The following RPRD1B variants were observed in gnomAD, a reference collection of about 807,000 sequenced individuals.
The protein encoded by RPRD1B is regulation of nuclear pre-mRNA domain-containing protein 1B.
RPRD1B carries 11 observed loss-of-function variants against 41.5 expected under a neutral mutation model. That is an observed-to-expected ratio of 0.27 (90% CI 0.17 to 0.44). The LOEUF (loss-of-function observed/expected upper bound fraction) is 0.44. RPRD1B is among the 20% of genes least tolerant of loss of function. The pLI is 1.00. For synonymous variants in RPRD1B, 158 were observed against 155.6 expected (o/e 1.02, Z -0.12); for missense variants, 248 against 389.9 (o/e 0.64, Z 3.06).
Position 38,090,654 on chromosome 20 carries a change from C to T in RPRD1B, c.*779C>T. On this transcript the variant is annotated 3_prime_UTR_variant, in exon 7 of 7. Coordinates refer to ENST00000373433, the MANE Select transcript of RPRD1B (RefSeq NM_021215.4). ...GGAGCACGTTCCGAAAAACAGAATG[C>T]CTTGATCCCTGGTGGGTGCGAAGGC... The T allele has an allele frequency of 1.0e-6, 1 of 985,488 alleles. No individual in the cohort carries two copies. The highest frequency in any genetic ancestry group is 1.2e-6 in the Non-Finnish European group (1 of 829,944). The allele number at this position is 985,488 out of a possible 1,614,324, so 61.0% of individuals were successfully genotyped here.
chr20:38,092,173 C>A lies in RPRD1B; in HGVS notation c.*2298C>A. ...GCCTCAAAGGACCTTTCCTTTAGGT[C>A]ATATTCCTCAGAAAGTCTTCAATCT... On this transcript the variant is annotated 3_prime_UTR_variant, in exon 7 of 7. Transcript: ENST00000373433. 1.0e-6 allele frequency: 1 copy of A among 985,686 alleles called. No homozygotes were observed. Among genetic ancestry groups the A allele is most frequent in the Non-Finnish European group, 1.2e-6 (1 of 829,886 alleles). 61.1% of individuals were successfully genotyped at this position (985,686 alleles called of 1,614,324 possible). A position where few individuals can be genotyped will look rare whatever the true frequency, so the allele number is the denominator to read the frequency against.
In RPRD1B at chr20:38,091,424, G is replaced by A; in HGVS notation, c.*1549G>A. ...AATGAAAAGTCATAGCAGATACTCAGTTTAACTCTGTGTAGAACCTAGTAG... is the reference window on the plus strand; with the variant it reads ...AATGAAAAGTCATAGCAGATACTCAATTTAACTCTGTGTAGAACCTAGTAG... On this transcript the variant is annotated 3_prime_UTR_variant, in exon 7 of 7. Coordinates refer to ENST00000373433, the MANE Select transcript of RPRD1B (RefSeq NM_021215.4). 1.0e-6 allele frequency: 1 copy of A among 985,402 alleles called. No individual in the cohort carries two copies. Among genetic ancestry groups the A allele is most frequent in the African/African-American group, 1.7e-5 (1 of 57,342 alleles). The allele number at this position is 985,402 out of a possible 1,614,324, so 61.0% of individuals were successfully genotyped here.
At chr20:38,052,762 T>G (rs951789590) in intron 3 of RPRD1B, among the ~76,000 whole-genome samples, 25 of 148,836 alleles carry the variant, frequency 1.7e-4, no homozygotes, top group East Asian at 7.8e-4. Context: ...GTTTTTTTTT[T>G]TTTTTTTTTT....
intron 4 of RPRD1B, 22 bp downstream of exon 4, chr20:38,057,666 G>A (rs1432905756): frequency 6.5e-7 from 1 of 1,537,082 alleles, no homozygotes. Context: ...CCCCCAGAGA[G>A]TAGGGAACAG....
At chr20:38,053,099 A>G (rs539603046) in intron 3 of RPRD1B, among the ~76,000 whole-genome samples, 1 of 152,286 alleles carries the variant, frequency 6.6e-6, no homozygotes, top group Non-Finnish European at 1.5e-5. Flanking sequence ...TCCTGCCTGT[A>G]AACAGAGTGG....
intron 6 of RPRD1B, among the ~76,000 whole-genome samples, chr20:38,080,573 T>C (rs1443174711): frequency 1.3e-5 from 2 of 152,254 alleles, no homozygotes; most frequent in Non-Finnish European, 2.9e-5. Flanking sequence ...TCTCCCAGGC[T>C]GGAGTGCAGT....
intron 3 of RPRD1B, among the ~76,000 whole-genome samples, chr20:38,051,909 G>A (rs367914368): frequency 6.6e-6 from 1 of 152,114 alleles, no homozygotes; most frequent in Non-Finnish European, 1.5e-5. Context: ...GTGCCACCAC[G>A]CCTGGCTAAT....
intron 4 of RPRD1B, 92 bp from the exon 5 acceptor site, chr20:38,059,302 T>G: frequency 7.5e-7 from 1 of 1,330,312 alleles, no homozygotes; most frequent in Non-Finnish European, 1.0e-6. Context: ...ATGACTGTTT[T>G]TAGAATTTGC....
chr20:38,035,360 T>A (rs2073989633), intron 1 of RPRD1B, among the ~76,000 whole-genome samples: 2 of 152,220 alleles, frequency 1.3e-5, no homozygotes, highest in African/African-American at 4.8e-5. Flanking sequence ...ACAAGTGTTC[T>A]ATACTATCTG....
chr20:38,071,573 G>A (rs1455539904), intron 6 of RPRD1B, among the ~76,000 whole-genome samples: 1 of 152,064 alleles, frequency 6.6e-6, no homozygotes, highest in African/African-American at 2.4e-5. Context: ...GGAATTGCTG[G>A]GTCATATGGT....
rs80080372 is a variant in RPRD1B, at chr20:38,061,058, T to A, written c.655+1538T>A. On this transcript the variant is annotated intron_variant, in intron 5 of 6. Coordinates refer to ENST00000373433, the MANE Select transcript of RPRD1B (RefSeq NM_021215.4). Reference sequence around the variant, plus strand: ...AGCTAGCCATGTATGTAATTTTGTTTCTCTGTTTCACTGACCTAAAGGTCT... The same window carrying A: ...AGCTAGCCATGTATGTAATTTTGTTACTCTGTTTCACTGACCTAAAGGTCT... 2.1e-3 allele frequency among the ~76,000 whole-genome samples: 318 copies of A among 152,384 alleles called. 1 individual carries two copies. The highest frequency in any genetic ancestry group is 3.6e-3 in the Non-Finnish European group (243 of 68,028).
At chr20:38,051,715 A>G (rs762234477) in intron 3 of RPRD1B, among the ~76,000 whole-genome samples, 46 of 152,216 alleles carry the variant, frequency 3.0e-4, no homozygotes, top group Non-Finnish European at 1.6e-4. Context: ...GGATCTTAAT[A>G]TAGTTTAGCT....
At chr20:38,055,534 T>C (rs1455075897) in intron 3 of RPRD1B, among the ~76,000 whole-genome samples, 1 of 152,088 alleles carries the variant, frequency 6.6e-6, no homozygotes, top group Non-Finnish European at 1.5e-5. Flanking sequence ...TAAGTTGGCC[T>C]CTACACATTC....
intron 6 of RPRD1B, among the ~76,000 whole-genome samples, chr20:38,066,967 A>G (rs569102264): frequency 1.3e-5 from 2 of 152,222 alleles, no homozygotes; most frequent in Non-Finnish European, 2.9e-5. Flanking sequence ...TTGGAGGTTT[A>G]TTTCTGACTT....
intron 3 of RPRD1B, among the ~76,000 whole-genome samples, chr20:38,055,833 A>AT (rs899368616): frequency 2.6e-5 from 4 of 152,140 alleles, no homozygotes; most frequent in African/African-American, 9.7e-5. Flanking sequence ...CCAATCACTG[A>AT]TTGACTTCAA....
chr20:38,087,463 C>T (rs1470510228), intron 6 of RPRD1B, among the ~76,000 whole-genome samples: 1 of 152,126 alleles, frequency 6.6e-6, no homozygotes, highest in Non-Finnish European at 1.5e-5. Context: ...TTGAGGGACT[C>T]CTTCAACTGA....
intron 6 of RPRD1B, among the ~76,000 whole-genome samples, chr20:38,075,815 A>T (rs2074453869): frequency 1.3e-5 from 2 of 152,220 alleles, no homozygotes; most frequent in African/African-American, 4.8e-5. Context: ...AAGATATGGC[A>T]TGCTTTATGT....
chr20:38,041,937 T>C (rs10485480), intron 2 of RPRD1B, among the ~76,000 whole-genome samples: 22,645 of 152,212 alleles, frequency 0.15, 1,731 homozygotes, highest in South Asian at 0.28. Flanking sequence ...TGCTGAGTTA[T>C]GTAGCTTGAA....
chr20:38,055,423 A>C lies in RPRD1B; in HGVS notation c.416-2109A>C, dbSNP rs147559318. Among the ~76,000 whole-genome samples, 1,074 of 151,004 alleles carry C rather than the reference A, an allele frequency of 7.1e-3. 5 individuals are homozygous for C. Among genetic ancestry groups the C allele is most frequent in the African/African-American group, 0.021 (858 of 41,248 alleles). ...ATCTTTTATGCTTTCAGTATTGTAA[A>C]ATACCTCTCAGTTTCTTTAGCATGC... On this transcript the variant is annotated intron_variant, in intron 3 of 6. Transcript: ENST00000373433.
Sources: gnomAD v4.1 joint callset for allele counts (sites outside exome capture counted in the v4.1 genomes callset) on GRCh38, gnomAD v4.1.1 for gene constraint, MANE v1.5 for transcripts, NCBI Gene and HGNC (gene_info 2026-07-23, HGNC 2026-07-21) for gene names.